KLF3: variants seen among roughly 807,000 people sequenced by gnomAD.
KLF3 encodes the protein Krueppel-like factor 3.
In KLF3, 6 loss-of-function variants were observed where a neutral mutation model predicts 32.7. That is an observed-to-expected ratio of 0.18 (90% CI 0.10 to 0.36). The LOEUF (loss-of-function observed/expected upper bound fraction) is 0.36, where lower values mean the gene tolerates loss of function less well. Among genes scored for constraint, KLF3 ranks in the 10% least tolerant of loss-of-function variants. KLF3 has a pLI of 1.00. For synonymous variants in KLF3, 145 were observed against 172.8 expected, an observed-to-expected ratio of 0.84 and a Z score of 1.26; for missense variants, 338 against 449.7, an observed-to-expected ratio of 0.75 and a Z score of 2.25.
rs531450765 is a variant in KLF3, at chr4:38,696,877, C to T, written c.857-205C>T. Among the ~76,000 whole-genome samples the T allele has an allele frequency of 7.9e-5, 12 of 152,210 alleles. No individual in the cohort carries two copies. In the East Asian group the frequency reaches 9.7e-4, roughly 12 times the overall value. ...TTAAGAACTCTTAAAATTCTCCTCC[C>T]GTTTTTTTGGCAGAGAGCCAATGAA... is the stretch of plus-strand genomic sequence containing the variant. On this transcript the variant is annotated intron_variant, in intron 5 of 5. Transcript: ENST00000261438.
chr4:38,693,911 T>TTTAACA (rs1305067831), intron 4 of KLF3, among the ~76,000 whole-genome samples: 1 of 152,210 alleles, frequency 6.6e-6, no homozygotes, highest in East Asian at 1.9e-4. Context: ...TAACAGGATT[T>TTTAACA]GGTTTCTAAT....
Position 38,688,920 on chromosome 4 carries a change from C to T in KLF3, c.393C>T (p.Leu131=), listed in dbSNP as rs1722787839. 6.2e-7 allele frequency: 1 copy of T among 1,614,252 alleles called. No individual in the cohort carries two copies. The highest frequency in any genetic ancestry group is 1.3e-5 in the African/African-American group (1 of 75,070). Reference sequence around the variant, plus strand: ...TGCCACCAGTGATGGCAGCTGCCCTCTCGCGGCATGGAATACGGAGCCCGG... The same window carrying T: ...TGCCACCAGTGATGGCAGCTGCCCTTTCGCGGCATGGAATACGGAGCCCGG... ...LSMPPVMAAA[L]SRHGIRSPGI... is the part of the protein sequence containing the mutation. Residue 131 remains leucine (L), a synonymous_variant, in exon 3 of 6, where the codon CTC becomes CTT. Transcript: ENST00000261438. The surrounding 1 kb of genome is among the most constrained non-coding windows in gnomAD (Gnocchi z 4.9).
At position 38,665,587 on chromosome 4, in the gene KLF3, T is replaced by C. The variant is rs763513851; in HGVS notation, c.-40+1126T>C. On this transcript the variant is annotated intron_variant, in intron 1 of 5. Transcript: ENST00000261438. ...TTCACTAAAATAAACATTTTACACT[T>C]AACCACTGAATTTCTTACTCAGAAT... Among the ~76,000 whole-genome samples the C allele has an allele frequency of 3.3e-5, 5 of 152,352 alleles. No homozygotes were observed. In the East Asian group the frequency reaches 5.8e-4, roughly 18 times the overall value.
intron 2 of KLF3, among the ~76,000 whole-genome samples, chr4:38,685,132 G>A (rs534650676): frequency 6.6e-6 from 1 of 152,314 alleles, no homozygotes; most frequent in African/African-American, 2.4e-5. Context: ...AACAGAGCGG[G>A]GAAGACTGTT....
At chr4:38,675,842 A>G (rs1013209895) in intron 1 of KLF3, among the ~76,000 whole-genome samples, 2 of 152,226 alleles carry the variant, frequency 1.3e-5, no homozygotes, top group Non-Finnish European at 2.9e-5. Flanking sequence ...ATGGGTACCA[A>G]AGACTGCCAA....
At chr4:38,685,723 T>C (rs1438551389) in intron 2 of KLF3, among the ~76,000 whole-genome samples, 2 of 152,174 alleles carry the variant, frequency 1.3e-5, no homozygotes, top group Non-Finnish European at 2.9e-5. Flanking sequence ...TACATTTTCG[T>C]CAATAGAAAC....
In KLF3 at chr4:38,689,002, A is replaced by G. The variant is rs754576910; in HGVS notation, c.475A>G (p.Ser159Gly). Residue 159 changes from serine (S) to glycine (G), a missense_variant, in exon 3 of 6, where the codon AGT becomes GGT. Transcript: ENST00000261438. Reference protein sequence around the residue: ...VVQPVPFMYTSHLQQPLMVSL... With the variant: ...VVQPVPFMYTGHLQQPLMVSL... Reference sequence around the variant, plus strand: ...GCAGCCCGTCCCCTTTATGTACACAAGTCACCTCCAGCAGCCTCTCATGGT... The same window carrying G: ...GCAGCCCGTCCCCTTTATGTACACAGGTCACCTCCAGCAGCCTCTCATGGT... 5.6e-6 allele frequency: 9 copies of G among 1,614,098 alleles called. No individual in the cohort carries two copies. The highest frequency in any genetic ancestry group is 6.8e-6 in the Non-Finnish European group (8 of 1,180,046).
At chr4:38,666,589 G>A (rs1301777692) in intron 1 of KLF3, among the ~76,000 whole-genome samples, 2 of 152,136 alleles carry the variant, frequency 1.3e-5, no homozygotes, top group Non-Finnish European at 2.9e-5. Context: ...TTAGTACTCT[G>A]GTGTACAGAT....
rs1722280350 is a variant in KLF3, at chr4:38,674,389, CCA to C, written c.-39-6197_-39-6196del. Among the ~76,000 whole-genome samples the C allele has an allele frequency of 6.6e-6, 1 of 151,536 alleles. No homozygotes were observed. ...AGCTACAGGGATGTTGCTTGCCTGC[CCA>C]GTTTTCCTAGCCAAGAATTACACAC... On this transcript the variant is annotated intron_variant, in intron 1 of 5. Coordinates refer to ENST00000261438, the MANE Select transcript of KLF3 (RefSeq NM_016531.6). The surrounding 1 kb of genome is among the most constrained non-coding windows in gnomAD (Gnocchi z 4.1).
At chr4:38,664,907 C>A (rs1298329064) in intron 1 of KLF3, 1 of 151,844 alleles carries the variant, frequency 6.6e-6, no homozygotes, top group East Asian at 2.0e-4. Context: ...GCCGCGGCCG[C>A]GCGCTCCTGC....
At chr4:38,665,021 C>G (rs1302925127) in intron 1 of KLF3, 1 of 148,304 alleles carries the variant, frequency 6.7e-6, no homozygotes, top group South Asian at 2.2e-4. Context: ...CCTCCCAGGA[C>G]ACGGCGCGCG....
chr4:38,680,697 A>C lies in KLF3; in HGVS notation c.57+15A>C, dbSNP rs1329881292. 1 of 1,593,100 alleles carries C rather than the reference A, an allele frequency of 6.3e-7. No homozygotes were observed. Among genetic ancestry groups the C allele is most frequent in the Admixed American group, 1.7e-5 (1 of 59,980 alleles). ...CTGTCTCAGTGGTAAGTTTTCCAAG[A>C]TTGAACACCTCGCCTTATTTTTTCC... On this transcript the variant is annotated intron_variant, in intron 2 of 5. Transcript: ENST00000261438.
In KLF3 at chr4:38,700,432, TAC is replaced by T. The variant is rs1340058504; in HGVS notation, c.*3171_*3172del. The T allele has an allele frequency of 7.2e-5, 11 of 152,350 alleles. No individual in the cohort carries two copies. The East Asian group carries it at 1.9e-3, about 27-fold the overall frequency. The allele number at this position is 152,350 out of a possible 1,614,324, so 9.4% of individuals were successfully genotyped here. A position where few individuals can be genotyped will look rare whatever the true frequency, so the allele number is the denominator to read the frequency against. On this transcript the variant is annotated 3_prime_UTR_variant, in exon 6 of 6. Transcript: ENST00000261438. ...TTTAAAATAATTTGGTTTGAAAATA[TAC>T]AGTTGTCTTGAAGGAATTGCTGTCA...
chr4:38,687,528 G>C (rs1722739192), intron 2 of KLF3, among the ~76,000 whole-genome samples: 2 of 152,114 alleles, frequency 1.3e-5, no homozygotes, highest in African/African-American at 4.8e-5. Flanking sequence ...AGATAAATGA[G>C]GTCAGTTGTG....
rs1188886645 is a variant in KLF3 at position 38,697,034 on chromosome 4, C to T, written c.857-48C>T. The T allele has an allele frequency of 4.8e-6, 7 of 1,471,802 alleles. 1 individual carries two copies. The East Asian group carries it at 9.1e-5, about 19-fold the overall frequency. 91.2% of individuals were successfully genotyped at this position (1,471,802 alleles called of 1,614,324 possible). Reference sequence around the variant, plus strand: ...TCAAGCATTAACTCAAAGATCTTTACTACCTTTACAGAAAAAAAAAATAGC... The same window carrying T: ...TCAAGCATTAACTCAAAGATCTTTATTACCTTTACAGAAAAAAAAAATAGC... On this transcript the variant is annotated intron_variant, in intron 5 of 5. Transcript: ENST00000261438.
chr4:38,685,178 G>A (rs1291737550), intron 2 of KLF3, among the ~76,000 whole-genome samples: 2 of 152,096 alleles, frequency 1.3e-5, no homozygotes, highest in South Asian at 2.1e-4. Flanking sequence ...ACACCCTGCC[G>A]TGTCAGTCCC....
At chr4:38,689,982 A>G (rs947271269) in intron 4 of KLF3, 103 bp downstream of exon 4, 9 of 1,226,818 alleles carry the variant, frequency 7.3e-6, no homozygotes, top group Non-Finnish European at 1.0e-5. Flanking sequence ...GTGGATGACC[A>G]GGAACGGCTT....
chr4:38,699,734 A>G lies in KLF3; in HGVS notation c.*2471A>G, dbSNP rs1723148971. 1 of 152,242 alleles carries G rather than the reference A, an allele frequency of 6.6e-6. No individual in the cohort carries two copies. Among genetic ancestry groups the G allele is most frequent in the South Asian group, 2.1e-4 (1 of 4,832 alleles). 9.4% of individuals were successfully genotyped at this position (152,242 alleles called of 1,614,324 possible). A position where few individuals can be genotyped will look rare whatever the true frequency, so the allele number is the denominator to read the frequency against. On this transcript the variant is annotated 3_prime_UTR_variant, in exon 6 of 6. Coordinates refer to ENST00000261438, the MANE Select transcript of KLF3 (RefSeq NM_016531.6). ...ACAAAGATCCGTTTTAACTCTGAAC[A>G]AAAGCAACCCAGAGCGGCCATTCTC...
intron 4 of KLF3, 113 bp downstream of exon 4, chr4:38,689,992 T>C: frequency 9.2e-7 from 1 of 1,082,350 alleles, no homozygotes; most frequent in Non-Finnish European, 1.3e-6. Flanking sequence ...AGGAACGGCT[T>C]GTGATCTGTG....
Sources: allele counts gnomAD v4.1 joint callset (sites outside exome capture counted in the v4.1 genomes callset), GRCh38; gene constraint gnomAD v4.1.1; non-coding constraint Gnocchi (gnomAD v3.1); transcripts MANE v1.5; gene names NCBI Gene and HGNC (gene_info 2026-07-23, HGNC 2026-07-21).